NPTN: variants seen among roughly 807,000 people sequenced by gnomAD.
NPTN encodes neuroplastin.
A neutral mutation model predicts 42.7 loss-of-function variants in NPTN; 5 were observed. The observed-to-expected ratio is 0.12, with a 90% CI of 0.06 to 0.25. The LOEUF (loss-of-function observed/expected upper bound fraction) is 0.25, where lower values mean the gene tolerates loss of function less well. NPTN is among the 10% of genes least tolerant of loss of function. The pLI, the probability that NPTN is intolerant of heterozygous loss-of-function variation, is 1.00. For synonymous variants in NPTN, 180 were observed against 201.9 expected, an observed-to-expected ratio of 0.89 and a Z score of 0.92; for missense variants, 307 against 525.4, an observed-to-expected ratio of 0.58 and a Z score of 4.06.
intron 4 of NPTN, among the ~76,000 whole-genome samples, chr15:73,576,929 G>A (rs927621428): frequency 8.5e-5 from 13 of 152,134 alleles, no homozygotes; most frequent in Non-Finnish European, 5.9e-5. Flanking sequence ...TAAAAATGGG[G>A]ACTGGAGAGA....
chr15:73,632,566 T>C (rs1392107282), intron 1 of NPTN: 1 of 152,402 alleles, frequency 6.6e-6, no homozygotes, highest in African/African-American at 2.4e-5. Context: ...TCCCTGATTC[T>C]TTACCCCCTC....
At chr15:73,566,966 A>G in intron 6 of NPTN, 1 of 936,946 alleles carries the variant, frequency 1.1e-6, no homozygotes, top group Non-Finnish European at 1.3e-6. Context: ...AAATGGTCTG[A>G]GAATACTCCA....
In NPTN at chr15:73,633,300, C is replaced by A. The variant is rs529552855; in HGVS notation, c.-85G>T. ...GGAGGGGAGGGAGGGAGGGGGCGGG[C>A]GAGTGCGCGAGGGAGTGAGCGAGGG... is the stretch of plus-strand genomic sequence containing the variant. On this transcript the variant is annotated 5_prime_UTR_variant, in exon 1 of 9. Transcript: ENST00000345330. The A allele has an allele frequency of 8.2e-6, 8 of 972,334 alleles. No individual in the cohort carries two copies. Among genetic ancestry groups the A allele is most frequent in the African/African-American group, 1.7e-5 (1 of 58,828 alleles). 60.2% of individuals were successfully genotyped at this position (972,334 alleles called of 1,614,324 possible).
intron 1 of NPTN, among the ~76,000 whole-genome samples, chr15:73,618,599 G>A (rs1436334028): frequency 6.6e-6 from 1 of 152,154 alleles, no homozygotes; most frequent in Non-Finnish European, 1.5e-5. Context: ...TTACAGGCTG[G>A]GTGCAGTGGC....
chr15:73,598,284 C>T (rs553392265), intron 1 of NPTN, among the ~76,000 whole-genome samples: 1 of 152,218 alleles, frequency 6.6e-6, no homozygotes, highest in Admixed American at 6.5e-5. Context: ...TGCCTGGCTT[C>T]TAGAAGCCAG....
chr15:73,632,441 C>T (rs1271764344), intron 1 of NPTN, among the ~76,000 whole-genome samples: 1 of 151,952 alleles, frequency 6.6e-6, no homozygotes, highest in African/African-American at 2.4e-5. Context: ...CAAACCCAGC[C>T]CTCTTCCCCC....
Position 73,560,150 on chromosome 15 carries a change from A to C in NPTN, c.*913T>G, listed in dbSNP as rs1276945486. On this transcript the variant is annotated 3_prime_UTR_variant, in exon 9 of 9. Transcript: ENST00000345330. ...CCGCATGAGAACCGTTAGGTTATAA[A>C]ATCTATCATCAACCAGTAAATCAAT... The C allele has an allele frequency of 2.8e-6, 1 of 355,202 alleles. No individual in the cohort carries two copies. The highest frequency in any genetic ancestry group is 5.0e-6 in the Non-Finnish European group (1 of 200,548). 22.0% of individuals were successfully genotyped at this position (355,202 alleles called of 1,614,324 possible).
intron 2 of NPTN, among the ~76,000 whole-genome samples, chr15:73,595,017 G>C (rs1386795554): frequency 6.6e-6 from 1 of 151,766 alleles, no homozygotes; most frequent in East Asian, 1.9e-4. Context: ...CAGCTAACTT[G>C]GGTTAACTGA....
chr15:73,611,323 C>T (rs1897567293), intron 1 of NPTN, among the ~76,000 whole-genome samples: 1 of 151,936 alleles, frequency 6.6e-6, no homozygotes, highest in African/African-American at 2.4e-5. Context: ...ATGCCAATCT[C>T]GAAACAGACT....
intron 1 of NPTN, among the ~76,000 whole-genome samples, chr15:73,628,700 A>G (rs1048911276): frequency 4.6e-5 from 7 of 152,200 alleles, no homozygotes; most frequent in Non-Finnish European, 8.8e-5. Flanking sequence ...CTGACAGAGC[A>G]CTTTTCTAAT....
At chr15:73,616,390 A>C (rs1897862896) in intron 1 of NPTN, among the ~76,000 whole-genome samples, 1 of 152,032 alleles carries the variant, frequency 6.6e-6, no homozygotes, top group African/African-American at 2.4e-5. Context: ...ACAACAACAA[A>C]CTTTCTGCAG....
intron 1 of NPTN, among the ~76,000 whole-genome samples, chr15:73,600,095 T>C (rs1897015382): frequency 6.6e-6 from 1 of 152,348 alleles, no homozygotes; most frequent in Admixed American, 6.5e-5. Context: ...AGTCTGACTA[T>C]GATTCCCACT....
intron 6 of NPTN, among the ~76,000 whole-genome samples, chr15:73,564,428 C>T (rs947978857): frequency 4.6e-5 from 7 of 152,150 alleles, no homozygotes; most frequent in African/African-American, 9.6e-5. Flanking sequence ...TTCGAGGCAA[C>T]GGAGAGGCAA....
chr15:73,567,976 C>T, intron 6 of NPTN: 9 of 985,440 alleles, frequency 9.1e-6, no homozygotes, highest in Non-Finnish European at 1.1e-5. Flanking sequence ...GGGTAGGATT[C>T]ATTCACTGTC....
chr15:73,590,086 C>T (rs1896511267), intron 3 of NPTN, among the ~76,000 whole-genome samples: 1 of 152,046 alleles, frequency 6.6e-6, no homozygotes, highest in Non-Finnish European at 1.5e-5. Flanking sequence ...AACTCCCACA[C>T]TTGAGTCCAT....
intron 1 of NPTN, chr15:73,599,621 A>AAAAGAAAG (rs796403799): frequency 6.6e-6 from 1 of 150,746 alleles, no homozygotes; most frequent in Non-Finnish European, 1.5e-5. Flanking sequence ...CAAAAAAAAA[A>AAAAGAAAG]AAAGAAAGAA....
intron 1 of NPTN, among the ~76,000 whole-genome samples, chr15:73,606,739 C>G (rs540130685): frequency 6.6e-6 from 1 of 152,254 alleles, no homozygotes; most frequent in South Asian, 2.1e-4. Context: ...AACTGACTCT[C>G]CAGTTAGCAT....
chr15:73,571,346 T>C (rs774149077), intron 5 of NPTN, among the ~76,000 whole-genome samples: 17 of 150,560 alleles, frequency 1.1e-4, no homozygotes, highest in Non-Finnish European at 2.5e-4. Context: ...CAGGTGGGAG[T>C]GAGAAGGTGA....
At chr15:73,614,994 T>C (rs1271097493) in intron 1 of NPTN, among the ~76,000 whole-genome samples, 2 of 152,174 alleles carry the variant, frequency 1.3e-5, no homozygotes, top group Admixed American at 1.3e-4. Flanking sequence ...AATTTGAGTT[T>C]AAAATAGATT....
Sources: gnomAD v4.1 joint callset for allele counts (sites outside exome capture counted in the v4.1 genomes callset) on GRCh38, gnomAD v4.1.1 for gene constraint, MANE v1.5 for transcripts, NCBI Gene and HGNC (gene_info 2026-07-23, HGNC 2026-07-21) for gene names.